The following XYLT1 variants were observed in gnomAD, a reference collection of about 807,000 sequenced individuals.
The protein encoded by XYLT1 is beta-D-xylosyltransferase 1.
Under a neutral mutation model 91.3 loss-of-function variants are expected in XYLT1, and 36 were observed. That is an observed-to-expected ratio of 0.39 (90% CI 0.30 to 0.52). XYLT1 has a LOEUF of 0.52. Among genes scored for constraint, XYLT1 ranks in the 20% least tolerant of loss-of-function variants. The pLI is 0.68. For synonymous variants in XYLT1, 588 were observed against 532.0 expected, an observed-to-expected ratio of 1.11 and a Z score of -1.45; for missense variants, 1,242 against 1,284.5, an observed-to-expected ratio of 0.97 and a Z score of 0.51.
rs564972861 is a variant in XYLT1 at position 17,242,550 on chromosome 16, C to T, written c.913+16438G>A. Among the ~76,000 whole-genome samples the T allele has an allele frequency of 1.4e-4, 21 of 152,234 alleles. No individual in the cohort carries two copies. In the East Asian group the frequency reaches 2.3e-3, roughly 17 times the overall value. ...TCTGTGAAATGGGAGAATGAAGAAG[C>T]CTACTTCACCAATTTAGAGCAAGAT... On this transcript the variant is annotated intron_variant, in intron 3 of 11. Coordinates refer to ENST00000261381, the MANE Select transcript of XYLT1 (RefSeq NM_022166.4).
intron 2 of XYLT1, among the ~76,000 whole-genome samples, chr16:17,265,978 C>T (rs2033797935): frequency 6.6e-6 from 1 of 152,152 alleles, no homozygotes; most frequent in Non-Finnish European, 1.5e-5. Context: ...TGTTACTAAC[C>T]ATTCTGAGTT....
intron 7 of XYLT1, 52 bp from the exon 8 acceptor site, chr16:17,138,583 T>TGAACTGG: frequency 6.3e-7 from 1 of 1,586,222 alleles, no homozygotes; most frequent in South Asian, 1.1e-5. Context: ...CTCCCACAGA[T>TGAACTGG]GAACTGGGGT....
intron 1 of XYLT1, among the ~76,000 whole-genome samples, chr16:17,407,924 A>C (rs2036054950): frequency 2.0e-5 from 3 of 152,178 alleles, no homozygotes; most frequent in African/African-American, 7.2e-5. Flanking sequence ...CTGGATGTTT[A>C]CAAACAGTCT....
At chr16:17,301,471 T>A (rs1201755687) in intron 2 of XYLT1, among the ~76,000 whole-genome samples, 7 of 152,130 alleles carry the variant, frequency 4.6e-5, no homozygotes, top group Non-Finnish European at 1.5e-5. Context: ...CTCAACCCTA[T>A]CTGATAAAAT....
intron 3 of XYLT1, among the ~76,000 whole-genome samples, chr16:17,216,926 T>C (rs954565204): frequency 6.6e-6 from 1 of 152,162 alleles, no homozygotes. Flanking sequence ...CGAGCAGCAA[T>C]AGTCAACACA....
chr16:17,452,913 C>T (rs2036685845), intron 1 of XYLT1, among the ~76,000 whole-genome samples: 1 of 152,072 alleles, frequency 6.6e-6, no homozygotes, highest in African/African-American at 2.4e-5. Flanking sequence ...TCAATGAATA[C>T]TTACAATTCT....
At chr16:17,385,269 T>TACACACACACACACACACACAC (rs566134163) in intron 1 of XYLT1, among the ~76,000 whole-genome samples, 1 of 119,912 alleles carries the variant, frequency 8.3e-6, no homozygotes, top group African/African-American at 2.8e-5. Flanking sequence ...TAAACACACA[T>TACACACACACACACACACACAC]ACACACACAC....
chr16:17,173,380 GCTTT>G (rs1263868050), intron 5 of XYLT1, among the ~76,000 whole-genome samples: 1 of 152,356 alleles, frequency 6.6e-6, no homozygotes, highest in East Asian at 1.9e-4. Context: ...TGAGAATGGA[GCTTT>G]GGTGTTCCGA....
At chr16:17,140,036 G>A (rs2030915594) in intron 7 of XYLT1, among the ~76,000 whole-genome samples, 1 of 152,124 alleles carries the variant, frequency 6.6e-6, no homozygotes, top group Non-Finnish European at 1.5e-5. Flanking sequence ...AATAGAAACG[G>A]AACCAGCTCT....
At chr16:17,384,622 T>C (rs112123571) in intron 1 of XYLT1, among the ~76,000 whole-genome samples, 1,828 of 151,912 alleles carry the variant, frequency 0.012, 42 homozygotes, top group African/African-American at 0.042. Context: ...AGATGTGGTG[T>C]GGGAGTGCCC....
rs561630952 is a variant in XYLT1 at position 17,200,535 on chromosome 16, T to G, written c.1033A>C (p.Met345Leu). The G allele has an allele frequency of 2.4e-4, 381 of 1,614,052 alleles. No homozygotes were observed. The highest frequency in any genetic ancestry group is 3.1e-4 in the Non-Finnish European group (364 of 1,180,042). Reference protein sequence around the residue: ...HGRASRQLQRMFKAIYHKDHF... With the variant: ...HGRASRQLQRLFKAIYHKDHF... ...TCTTTGTGGTAGATGGCCTTGAACA[T>G]GCGCTGCAACTGCCGAGAGGCACGG... The change falls in exon 4 of 12, where the codon ATG becomes CTG. Residue 345 changes from methionine (M) to leucine (L), a missense_variant. Coordinates refer to ENST00000261381, the MANE Select transcript of XYLT1 (RefSeq NM_022166.4).
At chr16:17,428,848 G>A (rs756170074) in intron 1 of XYLT1, among the ~76,000 whole-genome samples, 1 of 152,152 alleles carries the variant, frequency 6.6e-6, no homozygotes, top group African/African-American at 2.4e-5. Flanking sequence ...TACAGCAAAT[G>A]TTCCTTTACT....
chr16:17,349,734 T>G (rs1016358869), intron 2 of XYLT1, among the ~76,000 whole-genome samples: 4 of 151,382 alleles, frequency 2.6e-5, no homozygotes, highest in Non-Finnish European at 5.9e-5. Context: ...TGTAAAGAAC[T>G]TAATTTAGAA....
chr16:17,429,962 A>T (rs1255085805), intron 1 of XYLT1, among the ~76,000 whole-genome samples: 1 of 139,332 alleles, frequency 7.2e-6, no homozygotes, highest in Non-Finnish European at 1.5e-5. Context: ...TTTGAGACAG[A>T]GTCTTGCTCG....
At chr16:17,148,425 G>A (rs1489973473) in intron 6 of XYLT1, among the ~76,000 whole-genome samples, 2 of 152,164 alleles carry the variant, frequency 1.3e-5, no homozygotes, top group African/African-American at 2.4e-5. Context: ...CTGCAAGATG[G>A]CAGAGATTTT....
chr16:17,439,653 T>C (rs939593952), intron 1 of XYLT1, among the ~76,000 whole-genome samples: 1 of 152,106 alleles, frequency 6.6e-6, no homozygotes, highest in Non-Finnish European at 1.5e-5. Flanking sequence ...TAGAAAACAC[T>C]GTAGTAGTAG....
chr16:17,334,282 G>A (rs2034945629), intron 2 of XYLT1, among the ~76,000 whole-genome samples: 1 of 152,156 alleles, frequency 6.6e-6, no homozygotes. Flanking sequence ...CGTGCTAAGT[G>A]TTTCCTCCCA....
chr16:17,439,101 T>G (rs866564670), intron 1 of XYLT1, among the ~76,000 whole-genome samples: 1 of 152,236 alleles, frequency 6.6e-6, no homozygotes. Context: ...AAATTTAAGC[T>G]GTTATCAAAT....
intron 2 of XYLT1, among the ~76,000 whole-genome samples, chr16:17,315,934 G>A (rs1006194565): frequency 6.6e-6 from 1 of 152,114 alleles, no homozygotes; most frequent in Non-Finnish European, 1.5e-5. Flanking sequence ...AAGGGCCAAC[G>A]AGAACATGAA....
Sources: gnomAD v4.1 joint callset for allele counts (sites outside exome capture counted in the v4.1 genomes callset) on GRCh38, gnomAD v4.1.1 for gene constraint, MANE v1.5 for transcripts, NCBI Gene and HGNC (gene_info 2026-07-23, HGNC 2026-07-21) for gene names.